Variants in SORCS3 observed in about 807,000 individuals in gnomAD.
SORCS3 encodes sortilin related VPS10 domain containing receptor 3.
SORCS3 carries 57 observed loss-of-function variants against 146.3 expected under a neutral mutation model. The observed-to-expected ratio is 0.39, with a 90% CI of 0.31 to 0.49. The LOEUF (loss-of-function observed/expected upper bound fraction) is 0.49. Among genes scored for constraint, SORCS3 ranks in the 20% least tolerant of loss-of-function variants. The pLI is 0.92. For missense variants in SORCS3, 1,341 were observed against 1,575.5 expected, an observed-to-expected ratio of 0.85 and a Z score of 2.52; for synonymous variants, 653 against 618.5, an observed-to-expected ratio of 1.06 and a Z score of -0.83.
chr10:104,721,814 T>C (rs1260202824), intron 1 of SORCS3, among the ~76,000 whole-genome samples: 1 of 152,208 alleles, frequency 6.6e-6, no homozygotes, highest in Non-Finnish European at 1.5e-5. Flanking sequence ...TTGTGATTTT[T>C]GCACATTGAT....
At chr10:104,809,733 T>C (rs564546474) in intron 1 of SORCS3, among the ~76,000 whole-genome samples, 21 of 152,330 alleles carry the variant, frequency 1.4e-4, no homozygotes, top group African/African-American at 5.1e-4. Context: ...TCATGATGTC[T>C]CCATCCTCAT....
intron 5 of SORCS3, among the ~76,000 whole-genome samples, chr10:105,075,269 A>T (rs806270): frequency 6.6e-6 from 1 of 152,192 alleles, no homozygotes; most frequent in East Asian, 1.9e-4. Context: ...CTCTGCCTTC[A>T]CCTGGCTTAG....
intron 2 of SORCS3, among the ~76,000 whole-genome samples, chr10:104,876,882 A>T (rs1157305255): frequency 2.0e-5 from 3 of 147,694 alleles, no homozygotes; most frequent in Non-Finnish European, 4.5e-5. Context: ...TTTCAAAAGG[A>T]TGTTGCTTTG....
At chr10:105,093,440 A>G (rs747535703) in intron 6 of SORCS3, among the ~76,000 whole-genome samples, 2 of 152,198 alleles carry the variant, frequency 1.3e-5, no homozygotes, top group African/African-American at 2.4e-5. Flanking sequence ...AAAATTTACA[A>G]CTTTTGCTCT....
intron 7 of SORCS3, among the ~76,000 whole-genome samples, chr10:105,135,417 G>A (rs942398620): frequency 6.6e-6 from 1 of 152,054 alleles, no homozygotes; most frequent in African/African-American, 2.4e-5. Flanking sequence ...ATGCCTTCTG[G>A]GCCATTGTTT....
At chr10:104,811,429 C>T (rs2017739577) in intron 1 of SORCS3, among the ~76,000 whole-genome samples, 1 of 152,208 alleles carries the variant, frequency 6.6e-6, no homozygotes, top group African/African-American at 2.4e-5. Flanking sequence ...TCATTTACTC[C>T]TCACAGTTGC....
At chr10:104,913,309 G>A (rs1467595770) in intron 2 of SORCS3, among the ~76,000 whole-genome samples, 1 of 152,108 alleles carries the variant, frequency 6.6e-6, no homozygotes, top group Non-Finnish European at 1.5e-5. Flanking sequence ...CCACAGCATT[G>A]GTGTGATGAT....
intron 4 of SORCS3, among the ~76,000 whole-genome samples, chr10:104,988,891 C>G (rs937068756): frequency 6.6e-6 from 1 of 152,132 alleles, no homozygotes; most frequent in Non-Finnish European, 1.5e-5. Flanking sequence ...TTTTTATAAT[C>G]CTAATTAGTA....
At chr10:105,021,237 G>T (rs2055195955) in intron 4 of SORCS3, among the ~76,000 whole-genome samples, 1 of 152,172 alleles carries the variant, frequency 6.6e-6, no homozygotes, top group Non-Finnish European at 1.5e-5. Context: ...ATTGGGAGAG[G>T]GTCTTCTTGT....
intron 2 of SORCS3, among the ~76,000 whole-genome samples, chr10:104,857,925 C>T (rs1009026628): frequency 6.6e-6 from 1 of 152,120 alleles, no homozygotes; most frequent in Non-Finnish European, 1.5e-5. Flanking sequence ...TAGGGGAGGA[C>T]TGTAACAATG....
intron 4 of SORCS3, among the ~76,000 whole-genome samples, chr10:105,000,042 A>G (rs991822875): frequency 1.3e-5 from 2 of 149,128 alleles, no homozygotes; most frequent in Non-Finnish European, 1.5e-5. Context: ...AGCTCTGGTC[A>G]TGCATTCACC....
intron 7 of SORCS3, among the ~76,000 whole-genome samples, chr10:105,139,044 G>C (rs1367589586): frequency 2.0e-5 from 3 of 152,192 alleles, no homozygotes; most frequent in Non-Finnish European, 4.4e-5. Context: ...AATTCAAAAA[G>C]AATAAATAGA....
intron 1 of SORCS3, among the ~76,000 whole-genome samples, chr10:104,645,606 C>T (rs888263373): frequency 5.3e-5 from 8 of 152,156 alleles, no homozygotes; most frequent in African/African-American, 1.4e-4. Context: ...GAATACTTGC[C>T]AGGTAGTTCT....
chr10:104,731,467 G>C (rs1008058582), intron 1 of SORCS3, among the ~76,000 whole-genome samples: 2 of 152,090 alleles, frequency 1.3e-5, no homozygotes, highest in Admixed American at 6.6e-5. Flanking sequence ...AGTCACTGCC[G>C]GGGACACTTC....
intron 4 of SORCS3, among the ~76,000 whole-genome samples, chr10:105,042,120 G>A (rs144960233): frequency 1.2e-4 from 19 of 152,126 alleles, no homozygotes; most frequent in African/African-American, 4.3e-4. Context: ...GGTGACTAAG[G>A]CATGATCCCT....
At chr10:104,720,920 G>A (rs1330799739) in intron 1 of SORCS3, among the ~76,000 whole-genome samples, 1 of 152,176 alleles carries the variant, frequency 6.6e-6, no homozygotes, top group Admixed American at 6.5e-5. Context: ...CTCCCACTCT[G>A]TAGGTTGCCT....
At chr10:104,767,744 G>A (rs1232987999) in intron 1 of SORCS3, among the ~76,000 whole-genome samples, 5 of 105,096 alleles carry the variant, frequency 4.8e-5, no homozygotes, top group African/African-American at 1.1e-4. Flanking sequence ...TCCTCTCCTC[G>A]CTCTCTTTCT....
chr10:104,739,751 G>C (rs1376232398), intron 1 of SORCS3, among the ~76,000 whole-genome samples: 1 of 152,180 alleles, frequency 6.6e-6, no homozygotes, highest in Middle Eastern at 3.2e-3. Flanking sequence ...TGGGGCAAGT[G>C]AAATCACACG....
chr10:104,921,609 G>A (rs1310790563), intron 3 of SORCS3, among the ~76,000 whole-genome samples: 1 of 151,582 alleles, frequency 6.6e-6, no homozygotes, highest in Non-Finnish European at 1.5e-5. Flanking sequence ...TAAGTTCTAG[G>A]CACTGGGCTA....
Sources: allele counts gnomAD v4.1 joint callset (sites outside exome capture counted in the v4.1 genomes callset), GRCh38; gene constraint gnomAD v4.1.1; transcripts MANE v1.5; gene names NCBI Gene and HGNC (gene_info 2026-07-23, HGNC 2026-07-21).